Variants in FRMD4B observed in about 807,000 individuals in gnomAD.
The protein encoded by FRMD4B is FERM domain-containing protein 4B.
In FRMD4B, 74 loss-of-function variants were observed where a neutral mutation model predicts 141.5. The observed-to-expected ratio is 0.52, with a 90% CI of 0.43 to 0.63. The LOEUF is 0.63. Among genes scored for constraint, FRMD4B ranks in the 30% least tolerant of loss-of-function variants. The pLI is 0.00. For missense variants in FRMD4B, 1,366 were observed against 1,253.4 expected, an observed-to-expected ratio of 1.09 and a Z score of -1.36; for synonymous variants, 506 against 467.9, an observed-to-expected ratio of 1.08 and a Z score of -1.05.
At chr3:69,261,031 A>G (rs546738375) in intron 5 of FRMD4B, among the ~76,000 whole-genome samples, 4 of 152,336 alleles carry the variant, frequency 2.6e-5, no homozygotes, top group Admixed American at 2.6e-4. Flanking sequence ...GGGTGGGGTC[A>G]GATAAGGGAA....
rs375091705 is a variant in FRMD4B at position 69,240,055 on chromosome 3, A to AAC, written c.581+9169_581+9170dup. ...GGCGACAGAGCAAGACTCTGTCTCAAACACACACACACACACACACACCCA... is the reference window on the plus strand; with the variant it reads ...GGCGACAGAGCAAGACTCTGTCTCAAACACACACACACACACACACACACCCA... On this transcript the variant is annotated intron_variant, in intron 7 of 22. Transcript: ENST00000398540. Among the ~76,000 whole-genome samples the AAC allele has an allele frequency of 8.9e-3, 1,322 of 148,426 alleles. 7 individuals are homozygous for AAC. Among genetic ancestry groups the AAC allele is most frequent in the Middle Eastern group, 0.041 (12 of 292 alleles).
At chr3:69,438,417 A>G (rs1245769605) in intron 1 of FRMD4B, among the ~76,000 whole-genome samples, 2 of 152,042 alleles carry the variant, frequency 1.3e-5, no homozygotes, top group Admixed American at 1.3e-4. Flanking sequence ...TGTTATGAAT[A>G]TTTTACCACA....
chr3:69,339,316 GGA>G (rs1702658591), intron 1 of FRMD4B, among the ~76,000 whole-genome samples: 1 of 152,184 alleles, frequency 6.6e-6, no homozygotes, highest in Non-Finnish European at 1.5e-5. Context: ...GCGACACAGT[GGA>G]GAGTCAAGCA....
chr3:69,208,390 G>C (rs1156749854), intron 11 of FRMD4B, among the ~76,000 whole-genome samples: 1 of 152,024 alleles, frequency 6.6e-6, no homozygotes, highest in Non-Finnish European at 1.5e-5. Context: ...AGTAGAGATA[G>C]GGTTTCACCA....
chr3:69,276,967 G>T (rs748907759), intron 5 of FRMD4B, among the ~76,000 whole-genome samples: 40 of 152,126 alleles, frequency 2.6e-4, no homozygotes, highest in Admixed American at 5.9e-4. Flanking sequence ...GATTCCAAGG[G>T]TATTGATACG....
At chr3:69,330,735 G>A (rs1297982692) in intron 1 of FRMD4B, among the ~76,000 whole-genome samples, 2 of 151,882 alleles carry the variant, frequency 1.3e-5, no homozygotes, top group African/African-American at 4.8e-5. Context: ...GGGCTTAAGT[G>A]ATCCTCCTGT....
rs1328800997 is a variant in FRMD4B at position 69,225,120 on chromosome 3, A to G, written c.582-430T>C. Among the ~76,000 whole-genome samples, 3 of 152,188 alleles carry G rather than the reference A, an allele frequency of 2.0e-5. No individual in the cohort carries two copies. In the South Asian group the frequency reaches 6.2e-4, roughly 31 times the overall value. On this transcript the variant is annotated intron_variant, in intron 7 of 22. Transcript: ENST00000398540. ...TTTCGTAATAGATATCATTGCAATG[A>G]AAAGGTTTATGTAGTCTTTTATATT... is the stretch of plus-strand genomic sequence containing the variant.
At chr3:69,335,177 A>G (rs1180549464) in intron 1 of FRMD4B, among the ~76,000 whole-genome samples, 1 of 152,068 alleles carries the variant, frequency 6.6e-6, no homozygotes, top group East Asian at 1.9e-4. Flanking sequence ...ACTCTCTAAA[A>G]TGCTATAAAT....
intron 7 of FRMD4B, among the ~76,000 whole-genome samples, chr3:69,247,672 G>A (rs1003658880): frequency 6.6e-6 from 1 of 151,650 alleles, no homozygotes; most frequent in African/African-American, 2.4e-5. Flanking sequence ...TTTTTGAGAC[G>A]GAGTCTCGCT....
At chr3:69,338,078 C>A (rs1702613536) in intron 1 of FRMD4B, among the ~76,000 whole-genome samples, 1 of 152,190 alleles carries the variant, frequency 6.6e-6, no homozygotes, top group Non-Finnish European at 1.5e-5. Flanking sequence ...CAATGATAGA[C>A]TGGATTAAGA....
At chr3:69,472,383 T>C (rs1705907323) in intron 1 of FRMD4B, 1 of 495,310 alleles carries the variant, frequency 2.0e-6, no homozygotes, top group Admixed American at 2.1e-5. Flanking sequence ...TCCACCCTCA[T>C]TCTTAATATC....
chr3:69,271,512 C>T lies in FRMD4B; in HGVS notation c.501+16240G>A, dbSNP rs185448380. Reference sequence around the variant, plus strand: ...ATGGGGTTAAAGATGACAGGTATAACGAGCTATTATTAGGAAAACTTTGAT... The same window carrying T: ...ATGGGGTTAAAGATGACAGGTATAATGAGCTATTATTAGGAAAACTTTGAT... On this transcript the variant is annotated intron_variant, in intron 5 of 22. Transcript: ENST00000398540. Among the ~76,000 whole-genome samples, 556 of 152,210 alleles carry T rather than the reference C, an allele frequency of 3.7e-3. 1 individual carries two copies. Among genetic ancestry groups the T allele is most frequent in the Admixed American group, 0.013 (193 of 15,282 alleles).
intron 22 of FRMD4B, among the ~76,000 whole-genome samples, chr3:69,173,058 T>C (rs2092605801): frequency 6.6e-6 from 1 of 152,178 alleles, no homozygotes; most frequent in African/African-American, 2.4e-5. Context: ...TGGCTACACT[T>C]AGCAAAAGAG....
intron 11 of FRMD4B, among the ~76,000 whole-genome samples, chr3:69,212,991 C>T (rs1175997222): frequency 1.1e-4 from 16 of 151,978 alleles, no homozygotes; most frequent in Admixed American, 1.0e-3. Context: ...TTTTATTATG[C>T]TCTGCAAACT....
intron 1 of FRMD4B, among the ~76,000 whole-genome samples, chr3:69,508,365 T>C (rs1219382345): frequency 6.6e-6 from 1 of 152,224 alleles, no homozygotes; most frequent in Non-Finnish European, 1.5e-5. Context: ...TTTAAAAATA[T>C]CAATTTTATC....
At chr3:69,465,129 G>C (rs1440126755) in intron 1 of FRMD4B, among the ~76,000 whole-genome samples, 2 of 151,982 alleles carry the variant, frequency 1.3e-5, no homozygotes, top group Non-Finnish European at 2.9e-5. Flanking sequence ...GACCATCCTG[G>C]CTAACATGGT....
chr3:69,261,337 T>C (rs937327385), intron 5 of FRMD4B, among the ~76,000 whole-genome samples: 4 of 152,244 alleles, frequency 2.6e-5, no homozygotes, highest in African/African-American at 7.2e-5. Flanking sequence ...CTTCATTCTT[T>C]AAGTCAGTGA....
intron 1 of FRMD4B, among the ~76,000 whole-genome samples, chr3:69,325,417 G>T (rs894407455): frequency 6.6e-6 from 1 of 152,170 alleles, no homozygotes; most frequent in Non-Finnish European, 1.5e-5. Context: ...AGCCTGATCT[G>T]ATAAGTCTGG....
chr3:69,354,781 A>T (rs1703264981), intron 1 of FRMD4B, among the ~76,000 whole-genome samples: 1 of 152,154 alleles, frequency 6.6e-6, no homozygotes, highest in African/African-American at 2.4e-5. Context: ...GACTCTAATT[A>T]CTATGACCAC....
Sources: allele counts gnomAD v4.1 joint callset (sites outside exome capture counted in the v4.1 genomes callset), GRCh38; gene constraint gnomAD v4.1.1; transcripts MANE v1.5; gene names NCBI Gene and HGNC (gene_info 2026-07-23, HGNC 2026-07-21).